The following TMPRSS6 variants were observed in gnomAD, a reference collection of about 807,000 sequenced individuals.
TMPRSS6 encodes the protein transmembrane serine protease 6.
In TMPRSS6, 67 loss-of-function variants were observed where a neutral mutation model predicts 101.5. That is an observed-to-expected ratio of 0.66 (90% CI 0.54 to 0.81). The LOEUF is 0.81. Ranked by LOEUF, TMPRSS6 falls within the 30% of genes least tolerant of loss-of-function variation. The probability of loss-of-function intolerance (pLI) is 0.00; values close to 1 mark genes in which losing one functional copy is unlikely to be tolerated. For missense variants in TMPRSS6, 1,034 were observed against 1,088.7 expected, an observed-to-expected ratio of 0.95 and a Z score of 0.71; for synonymous variants, 453 against 464.9, an observed-to-expected ratio of 0.97 and a Z score of 0.33.
In TMPRSS6 at chr22:37,096,003, T is replaced by G. The variant is rs748257243; in HGVS notation, c.492A>C (p.Ala164=). 4 of 1,614,164 alleles carry G rather than the reference T, an allele frequency of 2.5e-6. No homozygotes were observed. The highest frequency in any genetic ancestry group is 3.4e-6 in the Non-Finnish European group (4 of 1,180,014). The change falls in exon 5 of 18, where the codon GCA becomes GCC. Residue 164 remains alanine (A), a synonymous_variant. Coordinates refer to ENST00000676104, the MANE Select transcript of TMPRSS6 (RefSeq NM_001374504.1). ...TGGACAGCAGCTCCTCCACCAGCAG[T>G]GCCTGCACCACCTCGGGGCTCAGCA... ...RLMLSPEVVQ[A]LLVEELLSTV... is the part of the protein sequence containing the mutation.
At chr22:37,088,951 C>A (rs1222603660) in intron 7 of TMPRSS6, among the ~76,000 whole-genome samples, 3 of 152,180 alleles carry the variant, frequency 2.0e-5, no homozygotes, top group Non-Finnish European at 2.9e-5. Flanking sequence ...CAGGGGGTTC[C>A]CCGTCACATC....
chr22:37,076,000 G>GAAGA (rs765324891), intron 10 of TMPRSS6, among the ~76,000 whole-genome samples: 35 of 145,098 alleles, frequency 2.4e-4, no homozygotes, highest in Middle Eastern at 3.4e-3. Flanking sequence ...AGAAAGAAAG[G>GAAGA]AAGAAAGAAA....
intron 6 of TMPRSS6, among the ~76,000 whole-genome samples, chr22:37,094,755 G>A (rs1435872513): frequency 6.6e-6 from 1 of 152,194 alleles, no homozygotes; most frequent in Non-Finnish European, 1.5e-5. Context: ...AGCAGGATGG[G>A]AAGACGGGAA....
intron 3 of TMPRSS6, among the ~76,000 whole-genome samples, chr22:37,098,161 T>C (rs35771797): frequency 0.17 from 25,002 of 149,590 alleles, 2,319 homozygotes; most frequent in Non-Finnish European, 0.21. Flanking sequence ...AGCTGCACTG[T>C]GGGACCTTTC....
Position 37,103,642 on chromosome 22 carries a change from G to A in TMPRSS6, c.-1-224C>T, listed in dbSNP as rs1211388147. Reference sequence around the variant, plus strand: ...AGGGCAGGCACCAGAGCTGGACTGGGTCTGGCTCAAGAACCCCACCTTTGC... The same window carrying A: ...AGGGCAGGCACCAGAGCTGGACTGGATCTGGCTCAAGAACCCCACCTTTGC... On this transcript the variant is annotated intron_variant, in intron 1 of 17. Transcript: ENST00000676104. The surrounding 1 kb of genome is among the most constrained non-coding windows in gnomAD (Gnocchi z 4.4). 4 of 1,561,090 alleles carry A rather than the reference G, an allele frequency of 2.6e-6. No homozygotes were observed. The highest frequency in any genetic ancestry group is 3.5e-6 in the Non-Finnish European group (4 of 1,139,562).
At position 37,065,777 on chromosome 22, in the gene TMPRSS6, A is replaced by C. The variant is rs886057490; in HGVS notation, c.*303T>G. ...TGTAGAACCAGCATTCTTGCTGCTG[A>C]GCCACTGCCTTGCATTAGGCAGCAG... On this transcript the variant is annotated 3_prime_UTR_variant, in exon 18 of 18. Coordinates refer to ENST00000676104, the MANE Select transcript of TMPRSS6 (RefSeq NM_001374504.1). The C allele has an allele frequency of 8.7e-6, 4 of 458,194 alleles. No individual in the cohort carries two copies. Among genetic ancestry groups the C allele is most frequent in the Non-Finnish European group, 1.6e-5 (4 of 247,958 alleles). The allele number at this position is 458,194 out of a possible 1,614,324, so 28.4% of individuals were successfully genotyped here. A position where few individuals can be genotyped will look rare whatever the true frequency, so the allele number is the denominator to read the frequency against.
chr22:37,090,545 A>G (rs1929171521), intron 6 of TMPRSS6, among the ~76,000 whole-genome samples: 1 of 152,222 alleles, frequency 6.6e-6, no homozygotes, highest in Admixed American at 6.5e-5. Context: ...GTGCTTATCA[A>G]GCATTTGCTA....
intron 8 of TMPRSS6, 26 bp from the exon 9 acceptor site, chr22:37,084,865 CAG>C: frequency 6.5e-7 from 1 of 1,539,242 alleles, no homozygotes; most frequent in Non-Finnish European, 8.8e-7. Context: ...AGCTGTTACA[CAG>C]GGGTCCCCTG....
intron 6 of TMPRSS6, among the ~76,000 whole-genome samples, chr22:37,090,707 C>A (rs2146129347): frequency 6.6e-6 from 1 of 152,308 alleles, no homozygotes; most frequent in East Asian, 1.9e-4. Context: ...TTTCCTGGGC[C>A]TTGCTTTCCT....
At chr22:37,094,572 A>G (rs372135930) in intron 6 of TMPRSS6, among the ~76,000 whole-genome samples, 1 of 90,592 alleles carries the variant, frequency 1.1e-5, no homozygotes. Context: ...TAGATAGACA[A>G]ATAGATCAGT....
chr22:37,096,821 A>T, intron 3 of TMPRSS6, 106 bp from the exon 4 acceptor site: 1 of 1,109,834 alleles, frequency 9.0e-7, no homozygotes. Flanking sequence ...CGCTCCATGC[A>T]TGATTCTCCA....
At chr22:37,095,126 G>T (rs761820576) in intron 6 of TMPRSS6, among the ~76,000 whole-genome samples, 2 of 152,174 alleles carry the variant, frequency 1.3e-5, no homozygotes, top group Non-Finnish European at 2.9e-5. Context: ...TGAATGCAAT[G>T]GCACCGCTAC....
intron 7 of TMPRSS6, 80 bp downstream of exon 7, chr22:37,089,498 T>C: frequency 7.3e-7 from 1 of 1,367,112 alleles, no homozygotes; most frequent in Admixed American, 2.0e-5. Context: ...TGTCTAAGAA[T>C]GCTGTGTGTG....
At chr22:37,104,025 T>C (rs1930555932) in intron 1 of TMPRSS6, among the ~76,000 whole-genome samples, 1 of 152,126 alleles carries the variant, frequency 6.6e-6, no homozygotes, top group Admixed American at 6.5e-5. Flanking sequence ...AAAACTAATA[T>C]TCATTTCGTG....
chr22:37,107,611 C>T (rs999607455), intron 1 of TMPRSS6, among the ~76,000 whole-genome samples: 2 of 152,114 alleles, frequency 1.3e-5, no homozygotes, highest in African/African-American at 4.8e-5. Flanking sequence ...CGTGTTGTCA[C>T]CATGTGCCCT....
chr22:37,106,218 TG>T (rs1364619436), intron 1 of TMPRSS6, among the ~76,000 whole-genome samples: 4 of 152,070 alleles, frequency 2.6e-5, no homozygotes, highest in Admixed American at 2.6e-4. Flanking sequence ...ACAGCCAGGC[TG>T]CAAAGTCAAG....
intron 6 of TMPRSS6, among the ~76,000 whole-genome samples, chr22:37,094,430 T>TAG (rs1569019838): frequency 3.1e-5 from 4 of 127,150 alleles, no homozygotes; most frequent in Admixed American, 2.4e-4. Context: ...TAGATAGATA[T>TAG]AAACAGACAG....
chr22:37,096,264 A>G (rs1375754760), intron 4 of TMPRSS6, among the ~76,000 whole-genome samples, 174 bp from the exon 5 acceptor site: 1 of 152,234 alleles, frequency 6.6e-6, no homozygotes, highest in Non-Finnish European at 1.5e-5. Context: ...TTATTTTACG[A>G]ATGAGAAAAC....
intron 6 of TMPRSS6, among the ~76,000 whole-genome samples, chr22:37,091,394 C>T (rs764753241): frequency 1.3e-5 from 2 of 152,194 alleles, no homozygotes; most frequent in African/African-American, 2.4e-5. Flanking sequence ...CTTGGTCAGC[C>T]TGAGGGCAGG....
Sources: gnomAD v4.1 joint callset for allele counts (sites outside exome capture counted in the v4.1 genomes callset) on GRCh38, gnomAD v4.1.1 for gene constraint, Gnocchi (gnomAD v3.1) non-coding constraint, MANE v1.5 for transcripts, NCBI Gene and HGNC (gene_info 2026-07-23, HGNC 2026-07-21) for gene names.